AFF3: variants seen among roughly 807,000 people sequenced by gnomAD.
The protein encoded by AFF3 is ALF transcription elongation factor 3, also known as AF4/FMR2 family member 3.
A neutral mutation model predicts 129.7 loss-of-function variants in AFF3; 32 were observed. The observed-to-expected ratio is 0.25, with a 90% CI of 0.19 to 0.33. The LOEUF is 0.33. AFF3 is among the 10% of genes least tolerant of loss of function. AFF3 has a pLI of 1.00. For missense variants in AFF3, 1,373 were observed against 1,592.0 expected, an observed-to-expected ratio of 0.86 and a Z score of 2.34; for synonymous variants, 644 against 635.4, an observed-to-expected ratio of 1.01 and a Z score of -0.20.
intron 4 of AFF3, among the ~76,000 whole-genome samples, chr2:100,096,165 G>A (rs1374143013): frequency 6.6e-6 from 1 of 151,292 alleles, no homozygotes; most frequent in African/African-American, 2.4e-5. Context: ...GGCATCCACA[G>A]GGGTTACTGA....
intron 18 of AFF3, among the ~76,000 whole-genome samples, chr2:99,570,891 G>GTCAATTT (rs1312744850): frequency 3.9e-5 from 6 of 152,152 alleles, no homozygotes; most frequent in African/African-American, 1.4e-4. Flanking sequence ...ATGTTGCCTG[G>GTCAATTT]CCCTCAATTT....
At chr2:99,985,731 G>A (rs1679799649) in intron 7 of AFF3, among the ~76,000 whole-genome samples, 1 of 152,168 alleles carries the variant, frequency 6.6e-6, no homozygotes, top group Non-Finnish European at 1.5e-5. Flanking sequence ...CCACCCTTGG[G>A]TGGGTAGGGC....
At chr2:99,969,341 C>T (rs1257400939) in intron 7 of AFF3, among the ~76,000 whole-genome samples, 2 of 152,200 alleles carry the variant, frequency 1.3e-5, no homozygotes, top group Non-Finnish European at 2.9e-5. Flanking sequence ...CATGTTTGGA[C>T]AACTCCTCTC....
intron 4 of AFF3, among the ~76,000 whole-genome samples, chr2:100,062,502 G>A (rs936598614): frequency 1.3e-5 from 2 of 152,184 alleles, no homozygotes; most frequent in African/African-American, 4.8e-5. Flanking sequence ...AAAGGGGAAC[G>A]GTCCTGTGAG....
At chr2:100,020,876 C>T (rs1573147319) in intron 4 of AFF3, among the ~76,000 whole-genome samples, 1 of 152,214 alleles carries the variant, frequency 6.6e-6, no homozygotes, top group Non-Finnish European at 1.5e-5. Context: ...ATCGTTCCTC[C>T]CCCGTCAAGC....
intron 13 of AFF3, among the ~76,000 whole-genome samples, chr2:99,626,022 T>C (rs1016799597): frequency 7.9e-5 from 12 of 152,174 alleles, no homozygotes; most frequent in African/African-American, 2.7e-4. Flanking sequence ...AGTTCAGGTA[T>C]AGAGAACGCA....
At chr2:99,662,821 G>T (rs956810321) in intron 12 of AFF3, among the ~76,000 whole-genome samples, 1 of 152,128 alleles carries the variant, frequency 6.6e-6, no homozygotes, top group African/African-American at 2.4e-5. Flanking sequence ...ACATACCAGG[G>T]TGTTGGCTTT....
intron 4 of AFF3, among the ~76,000 whole-genome samples, chr2:100,036,600 T>C (rs1684930285): frequency 6.6e-6 from 1 of 151,904 alleles, no homozygotes; most frequent in Non-Finnish European, 1.5e-5. Flanking sequence ...AAAATGGACA[T>C]ATTTGATCAT....
In AFF3 at chr2:100,001,970, G is replaced by A. The variant is rs570050407; in HGVS notation, c.873+4662C>T. ...GCCCATCGAGCAGACAGGAGGAAGC[G>A]CAGAGCGTAACCATCCGTGCTGTTG... On this transcript the variant is annotated intron_variant, in intron 7 of 24. Transcript: ENST00000672756. 3.3e-5 allele frequency among the ~76,000 whole-genome samples: 5 copies of A among 152,332 alleles called. No homozygotes were observed. The East Asian group carries it at 5.8e-4, about 18-fold the overall frequency.
At position 99,593,949 on chromosome 2, in the gene AFF3, G is replaced by A. The variant is rs1286798541; in HGVS notation, c.1712C>T (p.Pro571Leu). The change falls in exon 15 of 25, where the codon CCC (proline) becomes CTC (leucine). Residue 571 changes from proline to leucine, a missense_variant. Pro to Leu is a moderately conservative substitution (Grantham distance 98). Around this residue, in one of 9 missense-constraint regions of AFF3, gnomAD observed 413 missense variants for 424.4 expected, o/e 0.97. Coordinates refer to ENST00000672756, the MANE Select transcript of AFF3 (RefSeq NM_001386135.1). ...GGCAGGCGCGGGCGCGTTCTCCGCGGGCGCACAGGGCACTGCGGGTGGCGG... is the reference window on the plus strand; with the variant it reads ...GGCAGGCGCGGGCGCGTTCTCCGCGAGCGCACAGGGCACTGCGGGTGGCGG... ...AAPPPAVPCA[P>L]AENAPAPARR... 8 of 1,438,820 alleles carry A rather than the reference G, an allele frequency of 5.6e-6. No homozygotes were observed. The Admixed American group carries it at 1.3e-4, about 24-fold the overall frequency. The allele number at this position is 1,438,820 out of a possible 1,614,324, so 89.1% of individuals were successfully genotyped here.
chr2:99,770,479 C>T (rs1252051657), intron 8 of AFF3, among the ~76,000 whole-genome samples: 4 of 152,148 alleles, frequency 2.6e-5, no homozygotes, highest in African/African-American at 9.7e-5. Flanking sequence ...CTCTACCCTG[C>T]TGTGGCCAAG....
chr2:99,749,582 T>C (rs1575861299), intron 9 of AFF3, among the ~76,000 whole-genome samples: 3 of 152,310 alleles, frequency 2.0e-5, no homozygotes, highest in Admixed American at 2.0e-4. Flanking sequence ...TGCATTTTAT[T>C]CTAAGGATGG....
At chr2:99,804,505 A>T (rs1310476665) in intron 8 of AFF3, among the ~76,000 whole-genome samples, 1 of 152,222 alleles carries the variant, frequency 6.6e-6, no homozygotes, top group East Asian at 1.9e-4. Context: ...AATTAGTACC[A>T]CCTGTATGGA....
At chr2:99,898,904 TGCC>T (rs1368030605) in intron 7 of AFF3, among the ~76,000 whole-genome samples, 3 of 152,202 alleles carry the variant, frequency 2.0e-5, no homozygotes, top group Admixed American at 2.0e-4. Flanking sequence ...GGGCCTGTCC[TGCC>T]TCCTCCCCAC....
At chr2:99,797,988 T>C (rs1478435141) in intron 8 of AFF3, among the ~76,000 whole-genome samples, 1 of 151,872 alleles carries the variant, frequency 6.6e-6, no homozygotes, top group Non-Finnish European at 1.5e-5. Context: ...AACTGAAAAA[T>C]GGTAAGTCTA....
At chr2:100,123,412 C>T (rs934167972) in intron 2 of AFF3, among the ~76,000 whole-genome samples, 3 of 151,986 alleles carry the variant, frequency 2.0e-5, no homozygotes, top group Non-Finnish European at 2.9e-5. Context: ...ATATGAAAGT[C>T]GATATTAACA....
chr2:99,928,866 C>A (rs970895067), intron 7 of AFF3, among the ~76,000 whole-genome samples: 1 of 152,152 alleles, frequency 6.6e-6, no homozygotes, highest in African/African-American at 2.4e-5. Flanking sequence ...CTCAGACCCA[C>A]TCTCTTGAAG....
rs898242146 is a variant in AFF3, at chr2:99,702,085, C to T, written c.1091+24992G>A. Among the ~76,000 whole-genome samples the T allele has an allele frequency of 2.6e-5, 4 of 152,218 alleles. No individual in the cohort carries two copies. In the South Asian group the frequency reaches 8.3e-4, roughly 31 times the overall value. ...CAAATAAAGCTGCTATGAGCCTTCA[C>T]GTACAAGTTGCTGTGTGAAAATATA... On this transcript the variant is annotated intron_variant, in intron 11 of 24. Transcript: ENST00000672756.
At chr2:99,606,906 TC>T (rs1680409780) in intron 13 of AFF3, among the ~76,000 whole-genome samples, 1 of 92,230 alleles carries the variant, frequency 1.1e-5, no homozygotes, top group Admixed American at 1.7e-4. Context: ...AGAGCAAGAC[TC>T]CGTCTCACAA....
Sources: gnomAD v4.1 joint callset for allele counts (sites outside exome capture counted in the v4.1 genomes callset) on GRCh38, gnomAD v4.1.1 for gene constraint, gnomAD v4.1.1 regional missense constraint, MANE v1.5 for transcripts, NCBI Gene and HGNC (gene_info 2026-07-23, HGNC 2026-07-21) for gene names.